The following CNTNAP2 variants were observed in gnomAD, a reference collection of about 807,000 sequenced individuals.
The protein encoded by CNTNAP2 is contactin associated protein 2, also known as contactin-associated protein-like 2.
In CNTNAP2, 98 loss-of-function variants were observed where a neutral mutation model predicts 155.2. The observed-to-expected ratio is 0.63, with a 90% CI of 0.54 to 0.75. CNTNAP2 has a LOEUF of 0.75. CNTNAP2 is among the 30% of genes least tolerant of loss of function. The probability of loss-of-function intolerance (pLI) is 0.00; values close to 1 mark genes in which losing one functional copy is unlikely to be tolerated. For missense variants in CNTNAP2, 1,727 were observed against 1,688.1 expected (o/e 1.02, Z -0.40); for synonymous variants, 651 against 631.2 (o/e 1.03, Z -0.47).
intron 1 of CNTNAP2, among the ~76,000 whole-genome samples, chr7:146,644,588 T>C (rs1799776015): frequency 6.6e-6 from 1 of 152,094 alleles, no homozygotes; most frequent in Admixed American, 6.6e-5. Flanking sequence ...TGCATCAATA[T>C]TCATCAAGGA....
chr7:146,659,506 A>T (rs1009613641), intron 1 of CNTNAP2, among the ~76,000 whole-genome samples: 1 of 152,068 alleles, frequency 6.6e-6, no homozygotes, highest in Non-Finnish European at 1.5e-5. Context: ...GTTTAATTCT[A>T]TTTTTTTCAG....
chr7:147,432,628 C>A (rs1231345457), intron 10 of CNTNAP2, among the ~76,000 whole-genome samples: 1 of 152,206 alleles, frequency 6.6e-6, no homozygotes, highest in Non-Finnish European at 1.5e-5. Context: ...ATAGTTCCAG[C>A]ATATTTCCAC....
chr7:148,078,016 A>C (rs1330139297), intron 15 of CNTNAP2, among the ~76,000 whole-genome samples: 2 of 152,206 alleles, frequency 1.3e-5, no homozygotes, highest in African/African-American at 4.8e-5. Flanking sequence ...ATTTTAATAG[A>C]GTATGGTTTC....
chr7:147,687,467 A>T (rs1563053045), intron 13 of CNTNAP2, among the ~76,000 whole-genome samples: 1 of 152,122 alleles, frequency 6.6e-6, no homozygotes, highest in Non-Finnish European at 1.5e-5. Flanking sequence ...TAGAAGCTTA[A>T]GAAGGAAATG....
intron 13 of CNTNAP2, among the ~76,000 whole-genome samples, chr7:147,788,999 GGCTCAAGAAATTCTCCTGCCTCA>G (rs1797779491): frequency 6.8e-6 from 1 of 147,708 alleles, no homozygotes; most frequent in Admixed American, 6.9e-5. Flanking sequence ...CTGCCTCCTG[GGCTCAAGAAATTCTCCTGCCTCA>G]GCCTCCCAAG....
chr7:148,309,289 C>T lies in CNTNAP2; in HGVS notation c.3475+42163C>T, dbSNP rs530903068. On this transcript the variant is annotated intron_variant, in intron 21 of 23. Transcript: ENST00000361727. The stretch of plus-strand genomic sequence containing the variant: ...TATGTAGTTCACATCCAGCCCCCTA[C>T]ACAACTGTCACACACAATGACCTTC... 5.9e-5 allele frequency among the ~76,000 whole-genome samples: 9 copies of T among 152,356 alleles called. No individual in the cohort carries two copies. In the East Asian group the frequency reaches 1.3e-3, roughly 23 times the overall value.
At chr7:148,372,046 A>G (rs551942529) in intron 21 of CNTNAP2, among the ~76,000 whole-genome samples, 55 of 151,856 alleles carry the variant, frequency 3.6e-4, no homozygotes, top group African/African-American at 1.2e-3. Context: ...TAAAAATACA[A>G]AAAAAATTAG....
intron 3 of CNTNAP2, among the ~76,000 whole-genome samples, chr7:146,994,035 G>C (rs76795268): frequency 1.3e-5 from 2 of 152,094 alleles, no homozygotes; most frequent in East Asian, 3.9e-4. Flanking sequence ...TGCATTTTAG[G>C]CAATGCAAAG....
At chr7:147,333,377 A>C (rs1436926214) in intron 9 of CNTNAP2, among the ~76,000 whole-genome samples, 1 of 152,228 alleles carries the variant, frequency 6.6e-6, no homozygotes, top group African/African-American at 2.4e-5. Context: ...TTTAGGCATA[A>C]TAAGTAAGCA....
At chr7:146,966,656 G>C (rs1797664199) in intron 3 of CNTNAP2, among the ~76,000 whole-genome samples, 1 of 152,172 alleles carries the variant, frequency 6.6e-6, no homozygotes, top group South Asian at 2.1e-4. Flanking sequence ...AGTATATATG[G>C]AGGATGGGGA....
At position 147,872,329 on chromosome 7, in the gene CNTNAP2, A is replaced by T. The variant is rs536844297; in HGVS notation, c.2099-31236A>T. Among the ~76,000 whole-genome samples the T allele has an allele frequency of 7.9e-5, 12 of 152,340 alleles. No individual in the cohort carries two copies. In the South Asian group the frequency reaches 2.3e-3, roughly 29 times the overall value. On this transcript the variant is annotated intron_variant, in intron 13 of 23. Coordinates refer to ENST00000361727, the MANE Select transcript of CNTNAP2 (RefSeq NM_014141.6). ...CCCACAAGCACCAATTTCAGGGAAA[A>T]TATAAGCCTAAAATCATTCACTAGA...
intron 1 of CNTNAP2, among the ~76,000 whole-genome samples, chr7:146,514,532 A>T (rs1797513399): frequency 6.6e-6 from 1 of 152,036 alleles, no homozygotes; most frequent in African/African-American, 2.4e-5. Flanking sequence ...TTTTTCATCT[A>T]ATTCAATGTA....
At chr7:147,085,773 C>T (rs1297204646) in intron 4 of CNTNAP2, 1 of 152,118 alleles carries the variant, frequency 6.6e-6, no homozygotes, top group Non-Finnish European at 1.5e-5. Context: ...TGTTTCTTCC[C>T]ATTATGCCAT....
chr7:147,265,344 G>A (rs1804582331), intron 8 of CNTNAP2, among the ~76,000 whole-genome samples: 1 of 152,162 alleles, frequency 6.6e-6, no homozygotes, highest in African/African-American at 2.4e-5. Flanking sequence ...TGGATGGCTT[G>A]GTCCCAAGAG....
chr7:147,145,029 G>A (rs1006951446), intron 8 of CNTNAP2, among the ~76,000 whole-genome samples: 6 of 152,176 alleles, frequency 3.9e-5, no homozygotes, highest in African/African-American at 1.2e-4. Flanking sequence ...GATTAAATCA[G>A]TAAGATGATA....
intron 1 of CNTNAP2, among the ~76,000 whole-genome samples, chr7:146,723,647 A>G (rs576736534): frequency 4.6e-5 from 7 of 152,344 alleles, no homozygotes; most frequent in African/African-American, 1.7e-4. Context: ...AACACACTTT[A>G]TATTTAGAGA....
At chr7:147,753,793 C>G (rs10253032) in intron 13 of CNTNAP2, among the ~76,000 whole-genome samples, 1 of 152,074 alleles carries the variant, frequency 6.6e-6, no homozygotes, top group African/African-American at 2.4e-5. Context: ...TTCGTACAAA[C>G]TAAAGGATGA....
chr7:148,262,928 C>G (rs1796589795), intron 20 of CNTNAP2: 1 of 152,272 alleles, frequency 6.6e-6, no homozygotes, highest in East Asian at 1.9e-4. Flanking sequence ...TGGTAACACT[C>G]GGCAAAGCAT....
At chr7:146,369,026 T>TATGTATATATATATATATATATAC (rs1795194037) in intron 1 of CNTNAP2, among the ~76,000 whole-genome samples, 1 of 91,244 alleles carries the variant, frequency 1.1e-5, no homozygotes, top group Non-Finnish European at 2.0e-5. Flanking sequence ...ATAAAAGCAT[T>TATGTATATATATATATATATATAC]ATGTATATAT....
Sources: allele counts gnomAD v4.1 joint callset (sites outside exome capture counted in the v4.1 genomes callset), GRCh38; gene constraint gnomAD v4.1.1; transcripts MANE v1.5; gene names NCBI Gene and HGNC (gene_info 2026-07-23, HGNC 2026-07-21).